Variants in DLG1 observed in about 807,000 individuals in gnomAD.
DLG1 encodes the protein disks large homolog 1.
In DLG1, 42 loss-of-function variants were observed where a neutral mutation model predicts 123.4. The observed-to-expected ratio is 0.34, with a 90% CI of 0.27 to 0.44. The LOEUF (loss-of-function observed/expected upper bound fraction) is 0.44, where lower values mean the gene tolerates loss of function less well. DLG1 is among the 20% of genes least tolerant of loss of function. DLG1 has a pLI of 1.00. For missense variants in DLG1, 942 were observed against 1,082.6 expected (o/e 0.87, Z 1.82); for synonymous variants, 317 against 356.2 (o/e 0.89, Z 1.24).
intron 4 of DLG1, among the ~76,000 whole-genome samples, chr3:197,230,281 TAAGTA>T (rs1012709927): frequency 8.5e-5 from 13 of 152,206 alleles, no homozygotes; most frequent in Non-Finnish European, 1.6e-4. Context: ...ATGAATTTAT[TAAGTA>T]AATATATGGT....
At chr3:197,068,566 A>G (rs1187449157) in intron 19 of DLG1, 1 of 1,453,896 alleles carries the variant, frequency 6.9e-7, no homozygotes, top group Non-Finnish European at 9.4e-7. Flanking sequence ...GTAAAAAAAG[A>G]AAGTTAGAAA....
chr3:197,246,461 C>T (rs1231108425), intron 4 of DLG1, among the ~76,000 whole-genome samples: 1 of 152,170 alleles, frequency 6.6e-6, no homozygotes, highest in Non-Finnish European at 1.5e-5. Context: ...CATCTTCCTA[C>T]CTTTTGATTT....
chr3:197,079,194 GAGAC>G (rs1749299553), intron 17 of DLG1, among the ~76,000 whole-genome samples: 1 of 152,120 alleles, frequency 6.6e-6, no homozygotes, highest in Admixed American at 6.6e-5. Context: ...TATCGCAAGA[GAGAC>G]AGTGTAAGAA....
intron 24 of DLG1, among the ~76,000 whole-genome samples, chr3:197,049,852 T>A (rs1200177733): frequency 6.6e-6 from 1 of 152,036 alleles, no homozygotes; most frequent in East Asian, 1.9e-4. Flanking sequence ...TGCTTGAGCC[T>A]AGGAGTTTGA....
chr3:197,174,475 T>A (rs1413844680), intron 5 of DLG1, among the ~76,000 whole-genome samples: 4 of 152,240 alleles, frequency 2.6e-5, no homozygotes, highest in Non-Finnish European at 5.9e-5. Context: ...TTTGCCTCTA[T>A]ACTGAATATA....
At chr3:197,060,873 T>G (rs1490344815) in intron 22 of DLG1, among the ~76,000 whole-genome samples, 1 of 152,236 alleles carries the variant, frequency 6.6e-6, no homozygotes, top group East Asian at 1.9e-4. Flanking sequence ...TCACCCAGAC[T>G]TGAGTGCAGT....
intron 4 of DLG1, among the ~76,000 whole-genome samples, chr3:197,197,824 G>C (rs186463421): frequency 6.6e-6 from 1 of 152,202 alleles, no homozygotes; most frequent in Non-Finnish European, 1.5e-5. Flanking sequence ...ATTGAATAAA[G>C]AGTCCAGAAA....
At chr3:197,145,446 C>T (rs1790262582) in intron 6 of DLG1, among the ~76,000 whole-genome samples, 1 of 152,110 alleles carries the variant, frequency 6.6e-6, no homozygotes, top group African/African-American at 2.4e-5. Context: ...TTTTTAGAAA[C>T]CTCAAAATTT....
At chr3:197,054,111 A>G (rs151148698) in intron 23 of DLG1, among the ~76,000 whole-genome samples, 146 of 152,246 alleles carry the variant, frequency 9.6e-4, no homozygotes, top group African/African-American at 3.4e-3. Flanking sequence ...ACAAACAAAC[A>G]AAAACAGTGA....
chr3:197,210,770 A>C (rs999602491), intron 4 of DLG1, among the ~76,000 whole-genome samples: 7 of 145,042 alleles, frequency 4.8e-5, no homozygotes, highest in African/African-American at 1.7e-4. Flanking sequence ...AAGAAACAAT[A>C]TCAATTTTAC....
intron 4 of DLG1, among the ~76,000 whole-genome samples, chr3:197,229,524 T>A (rs1305117143): frequency 6.7e-6 from 1 of 150,042 alleles, no homozygotes; most frequent in Non-Finnish European, 1.5e-5. Context: ...TTTTATTCAA[T>A]AGAGAAGCAA....
At chr3:197,058,186 C>T (rs1423259644) in intron 23 of DLG1, among the ~76,000 whole-genome samples, 9 of 151,920 alleles carry the variant, frequency 5.9e-5, no homozygotes, top group Admixed American at 5.9e-4. Context: ...CACCATGTTG[C>T]CCAGGCTGGT....
At chr3:197,189,504 T>C (rs1718052345) in intron 5 of DLG1, among the ~76,000 whole-genome samples, 1 of 152,056 alleles carries the variant, frequency 6.6e-6, no homozygotes, top group South Asian at 2.1e-4. Flanking sequence ...ATCTACTCAG[T>C]TTGCAAATAT....
At chr3:197,296,967 C>A in intron 2 of DLG1, 3 of 507,238 alleles carry the variant, frequency 5.9e-6, no homozygotes, top group East Asian at 3.9e-5. Context: ...GGGGGGCTAA[C>A]TGCCTCTCTT....
rs561903233 is a variant in DLG1, at chr3:197,255,056, C to CA, written c.318+27622dup. Among the ~76,000 whole-genome samples the CA allele has an allele frequency of 7.0e-4, 102 of 144,750 alleles. No individual in the cohort carries two copies. In the East Asian group the frequency reaches 7.1e-3, roughly 10 times the overall value. The allele number at this position is 144,750 out of a possible 152,430, so 95.0% of individuals were successfully genotyped here. On this transcript the variant is annotated intron_variant, in intron 4 of 24. Coordinates refer to ENST00000667157, the MANE Select transcript of DLG1 (RefSeq NM_001366207.1). ...GGGTGACAAGAGCGAGATTCTGTCT[C>CA]AAAAAAAAAAATCTATGACCTGTTC...
intron 6 of DLG1, among the ~76,000 whole-genome samples, chr3:197,147,557 G>A (rs1440602527): frequency 2.6e-5 from 4 of 152,022 alleles, no homozygotes; most frequent in Non-Finnish European, 5.9e-5. Context: ...TATTCTAAGT[G>A]AAGTAACTCA....
chr3:197,245,902 G>GC (rs1333191303), intron 4 of DLG1, among the ~76,000 whole-genome samples: 1 of 136,664 alleles, frequency 7.3e-6, no homozygotes, highest in South Asian at 2.6e-4. Context: ...TTTTTTTTTG[G>GC]GGGGGGGGGA....
chr3:197,099,523 G>A (rs1274829375), intron 14 of DLG1, among the ~76,000 whole-genome samples: 5 of 152,180 alleles, frequency 3.3e-5, no homozygotes, highest in East Asian at 3.9e-4. Flanking sequence ...GTCATGAAAC[G>A]TATTAGGACG....
At chr3:197,048,821 A>G (rs1321868116) in intron 24 of DLG1, among the ~76,000 whole-genome samples, 1 of 151,940 alleles carries the variant, frequency 6.6e-6, no homozygotes, top group East Asian at 1.9e-4. Flanking sequence ...ACGCCCGGCT[A>G]ATTTTGTATT....
Sources: allele counts gnomAD v4.1 joint callset (sites outside exome capture counted in the v4.1 genomes callset), GRCh38; gene constraint gnomAD v4.1.1; transcripts MANE v1.5; gene names NCBI Gene and HGNC (gene_info 2026-07-23, HGNC 2026-07-21).